The following CNTNAP2 variants were observed in gnomAD, a reference collection of about 807,000 sequenced individuals.
CNTNAP2 encodes the protein contactin-associated protein-like 2.
In CNTNAP2, 98 loss-of-function variants were observed where a neutral mutation model predicts 155.2. The observed-to-expected ratio is 0.63, with a 90% CI of 0.54 to 0.75. The LOEUF is 0.75. Among genes scored for constraint, CNTNAP2 ranks in the 30% least tolerant of loss-of-function variants. The probability of loss-of-function intolerance (pLI) is 0.00; values close to 1 mark genes in which losing one functional copy is unlikely to be tolerated. For missense variants in CNTNAP2, 1,727 were observed against 1,688.1 expected (o/e 1.02, Z -0.40); for synonymous variants, 651 against 631.2 (o/e 1.03, Z -0.47).
chr7:147,383,295 G>A (rs1172696352), intron 9 of CNTNAP2, among the ~76,000 whole-genome samples: 1 of 151,952 alleles, frequency 6.6e-6, no homozygotes, highest in Non-Finnish European at 1.5e-5. Context: ...CGGTCTATAA[G>A]TCTGGAAACC....
chr7:147,634,707 A>G lies in CNTNAP2; in HGVS notation c.1898-4399A>G, dbSNP rs1171211672. Among the ~76,000 whole-genome samples the G allele has an allele frequency of 2.6e-5, 4 of 152,218 alleles. No individual in the cohort carries two copies. The East Asian group carries it at 7.7e-4, about 29-fold the overall frequency. On this transcript the variant is annotated intron_variant, in intron 12 of 23. Coordinates refer to ENST00000361727, the MANE Select transcript of CNTNAP2 (RefSeq NM_014141.6). Reference sequence around the variant, plus strand: ...CATACGTGCATGTGTATTTCTTTTCAAATCTTTCCAAAATATAATTTTATT... The same window carrying G: ...CATACGTGCATGTGTATTTCTTTTCGAATCTTTCCAAAATATAATTTTATT...
intron 1 of CNTNAP2, among the ~76,000 whole-genome samples, chr7:146,345,344 A>G (rs1484565676): frequency 1.3e-5 from 2 of 152,116 alleles, no homozygotes; most frequent in Non-Finnish European, 2.9e-5. Flanking sequence ...AAACAAAGAG[A>G]TTGTTCTTAA....
At chr7:148,305,905 C>T (rs551952467) in intron 21 of CNTNAP2, among the ~76,000 whole-genome samples, 1 of 152,272 alleles carries the variant, frequency 6.6e-6, no homozygotes, top group South Asian at 2.1e-4. Context: ...CCTGGGCCTC[C>T]GGATGGCATG....
intron 12 of CNTNAP2, among the ~76,000 whole-genome samples, chr7:147,616,830 T>G (rs1801302804): frequency 6.6e-6 from 1 of 152,182 alleles, no homozygotes; most frequent in South Asian, 2.1e-4. Context: ...CCTCTAGAAC[T>G]CAGATAAATG....
At chr7:148,058,499 T>A (rs1408034772) in intron 15 of CNTNAP2, among the ~76,000 whole-genome samples, 1 of 152,140 alleles carries the variant, frequency 6.6e-6, no homozygotes, top group Non-Finnish European at 1.5e-5. Flanking sequence ...AGGCAGAGTA[T>A]AATTCATGTG....
At chr7:147,759,769 C>T (rs76079909) in intron 13 of CNTNAP2, among the ~76,000 whole-genome samples, 8,438 of 152,184 alleles carry the variant, frequency 0.055, 748 homozygotes, top group African/African-American at 0.19. Context: ...ATTGTGGTTA[C>T]GAAACAGCTC....
At chr7:147,075,405 A>G (rs1266930266) in intron 4 of CNTNAP2, among the ~76,000 whole-genome samples, 1 of 152,118 alleles carries the variant, frequency 6.6e-6, no homozygotes, top group Non-Finnish European at 1.5e-5. Flanking sequence ...TTGTGGTAAC[A>G]TGAACTGAAG....
chr7:146,173,448 C>G (rs1798423934), intron 1 of CNTNAP2, among the ~76,000 whole-genome samples: 1 of 151,822 alleles, frequency 6.6e-6, no homozygotes, highest in South Asian at 2.1e-4. Context: ...AATAATCCCC[C>G]TCACCTCCCC....
intron 1 of CNTNAP2, among the ~76,000 whole-genome samples, chr7:146,750,944 T>G (rs1199102822): frequency 6.6e-6 from 1 of 152,188 alleles, no homozygotes; most frequent in African/African-American, 2.4e-5. Flanking sequence ...GGCGATATGA[T>G]TCACTACTTT....
At chr7:147,762,809 G>A (rs188655379) in intron 13 of CNTNAP2, among the ~76,000 whole-genome samples, 1 of 151,234 alleles carries the variant, frequency 6.6e-6, no homozygotes, top group African/African-American at 2.4e-5. Context: ...AGGGAAGGAA[G>A]GGAAGGAAAG....
chr7:147,245,131 G>A (rs979709460), intron 8 of CNTNAP2, among the ~76,000 whole-genome samples: 1 of 152,058 alleles, frequency 6.6e-6, no homozygotes, highest in Non-Finnish European at 1.5e-5. Context: ...TTTTGCTTTT[G>A]TCTAAACTCA....
At chr7:147,062,543 G>T (rs1799704008) in intron 4 of CNTNAP2, among the ~76,000 whole-genome samples, 1 of 152,124 alleles carries the variant, frequency 6.6e-6, no homozygotes, top group South Asian at 2.1e-4. Flanking sequence ...TATTTGAGAT[G>T]ATTGCTTAAG....
chr7:148,299,153 G>A (rs1188326575), intron 21 of CNTNAP2, among the ~76,000 whole-genome samples: 2 of 151,952 alleles, frequency 1.3e-5, no homozygotes, highest in African/African-American at 4.8e-5. Flanking sequence ...ACCACGCCTG[G>A]CTAATGTTTT....
chr7:146,268,535 A>G (rs1250885273), intron 1 of CNTNAP2, among the ~76,000 whole-genome samples: 3 of 152,290 alleles, frequency 2.0e-5, no homozygotes, highest in South Asian at 4.1e-4. Flanking sequence ...ATAACCATCC[A>G]TCTTATAACT....
intron 1 of CNTNAP2, among the ~76,000 whole-genome samples, chr7:146,451,882 C>CGTGTATGTATGTATATATACGTAT (rs1796488752): frequency 3.0e-5 from 2 of 67,266 alleles, no homozygotes; most frequent in Non-Finnish European, 5.1e-5. Flanking sequence ...TATATATACA[C>CGTGTATGTATGTATATATACGTAT]ATATACATAT....
chr7:147,516,687 G>A (rs1015663273), intron 11 of CNTNAP2, among the ~76,000 whole-genome samples: 3 of 151,448 alleles, frequency 2.0e-5, no homozygotes, highest in Non-Finnish European at 2.9e-5. Flanking sequence ...AACAGAATAT[G>A]AAGCACGATG....
intron 20 of CNTNAP2, among the ~76,000 whole-genome samples, chr7:148,264,015 G>A (rs376367962): frequency 6.6e-6 from 1 of 152,110 alleles, no homozygotes; most frequent in African/African-American, 2.4e-5. Context: ...TTCGGTGCTC[G>A]CGACTTTAAA....
chr7:146,219,316 G>A (rs556679786), intron 1 of CNTNAP2, among the ~76,000 whole-genome samples: 1 of 152,096 alleles, frequency 6.6e-6, no homozygotes. Flanking sequence ...CTTCATCTCT[G>A]CAAATGATTC....
chr7:147,376,682 C>G (rs1405578327), intron 9 of CNTNAP2, among the ~76,000 whole-genome samples: 1 of 151,886 alleles, frequency 6.6e-6, no homozygotes, highest in Admixed American at 6.6e-5. Flanking sequence ...AGTTCATCCT[C>G]ATAATAATAC....
Sources: gnomAD v4.1 joint callset for allele counts (sites outside exome capture counted in the v4.1 genomes callset) on GRCh38, gnomAD v4.1.1 for gene constraint, MANE v1.5 for transcripts, NCBI Gene and HGNC (gene_info 2026-07-23, HGNC 2026-07-21) for gene names.